GRIA1: variants seen among roughly 807,000 people sequenced by gnomAD.
The protein encoded by GRIA1 is glutamate ionotropic receptor AMPA type subunit 1.
In GRIA1, 31 loss-of-function variants were observed where a neutral mutation model predicts 99.2. That is an observed-to-expected ratio of 0.31 (90% CI 0.23 to 0.42). The LOEUF (loss-of-function observed/expected upper bound fraction) is 0.42. Ranked by LOEUF, GRIA1 falls within the 10% of genes least tolerant of loss-of-function variation. The pLI is 1.00. For synonymous variants in GRIA1, 438 were observed against 432.4 expected (o/e 1.01, Z -0.16); for missense variants, 782 against 1,157.5 (o/e 0.68, Z 4.71).
At chr5:153,691,723 T>C (rs905139640) in intron 8 of GRIA1, among the ~76,000 whole-genome samples, 5 of 152,302 alleles carry the variant, frequency 3.3e-5, no homozygotes, top group African/African-American at 1.2e-4. Flanking sequence ...AGATATAGCC[T>C]AAACCTCACC....
intron 13 of GRIA1, among the ~76,000 whole-genome samples, chr5:153,791,498 A>G (rs948592212): frequency 1.3e-5 from 2 of 152,062 alleles, no homozygotes; most frequent in African/African-American, 2.4e-5. Flanking sequence ...GGGAAGGTCT[A>G]AGTGAGCCCA....
At chr5:153,806,500 C>T (rs1029324001) in intron 15 of GRIA1, among the ~76,000 whole-genome samples, 2 of 152,158 alleles carry the variant, frequency 1.3e-5, no homozygotes, top group African/African-American at 2.4e-5. Flanking sequence ...CTCCTGACTT[C>T]GTGATCCACT....
At chr5:153,640,023 A>G (rs1201085523) in intron 2 of GRIA1, among the ~76,000 whole-genome samples, 2 of 152,212 alleles carry the variant, frequency 1.3e-5, no homozygotes, top group Non-Finnish European at 2.9e-5. Flanking sequence ...ACTTCTCCAC[A>G]ATCATGTCAG....
intron 11 of GRIA1, among the ~76,000 whole-genome samples, chr5:153,711,597 G>A (rs908257128): frequency 5.9e-5 from 9 of 152,130 alleles, no homozygotes; most frequent in African/African-American, 2.2e-4. Flanking sequence ...CAGAGAGGGA[G>A]GGAAAGACAT....
chr5:153,758,109 C>G (rs2149599137), intron 11 of GRIA1, among the ~76,000 whole-genome samples: 2 of 152,118 alleles, frequency 1.3e-5, no homozygotes, highest in African/African-American at 4.8e-5. Context: ...GTGAAAATCT[C>G]TTAATCACAA....
At chr5:153,737,176 T>C (rs1487087502) in intron 11 of GRIA1, among the ~76,000 whole-genome samples, 4 of 151,860 alleles carry the variant, frequency 2.6e-5, no homozygotes, top group African/African-American at 9.7e-5. Flanking sequence ...TAATAATCAC[T>C]ACCTTGTTTA....
At chr5:153,689,079 A>T (rs751470633) in intron 8 of GRIA1, among the ~76,000 whole-genome samples, 2 of 151,302 alleles carry the variant, frequency 1.3e-5, no homozygotes, top group Non-Finnish European at 2.9e-5. Flanking sequence ...CCCAGGCTGG[A>T]GTGCAGTGGT....
Position 153,677,082 on chromosome 5 carries a change from G to T in GRIA1, c.950G>T (p.Arg317Leu), listed in dbSNP as rs754814414. The T allele has an allele frequency of 1.3e-6, 2 of 1,584,000 alleles. No individual in the cohort carries two copies. Among genetic ancestry groups the T allele is most frequent in the South Asian group, 1.2e-5 (1 of 86,538 alleles). ...LRRQRIDISR[R>L]GNAGDCLANP... Reference sequence around the variant, plus strand: ...AGGCAGAGAATTGATATATCTCGCCGGGGGAATGCTGGGGATTGTCTGGCT... The same window carrying T: ...AGGCAGAGAATTGATATATCTCGCCTGGGGAATGCTGGGGATTGTCTGGCT... Residue 317 changes from arginine to leucine, a missense_variant, in exon 7 of 16, where the codon CGG (arginine) becomes CTG (leucine). Physicochemically the swap from Arg to Leu is moderately radical, Grantham distance 102. Transcript: ENST00000285900.
At chr5:153,634,853 A>C (rs1346395917) in intron 2 of GRIA1, among the ~76,000 whole-genome samples, 2 of 152,354 alleles carry the variant, frequency 1.3e-5, no homozygotes, top group Non-Finnish European at 2.9e-5. Flanking sequence ...GGCAGGGGTC[A>C]GGAGTGAATT....
intron 13 of GRIA1, among the ~76,000 whole-genome samples, chr5:153,771,923 A>T (rs1763908462): frequency 6.6e-6 from 1 of 152,206 alleles, no homozygotes; most frequent in African/African-American, 2.4e-5. Context: ...GACATTCCCC[A>T]GAGTAACACA....
At position 153,770,248 on chromosome 5, in the gene GRIA1, G is replaced by T; in HGVS notation, c.2103G>T (p.Glu701Asp). The T allele has an allele frequency of 6.2e-7, 1 of 1,614,024 alleles. No individual in the cohort carries two copies. Among genetic ancestry groups the T allele is most frequent in the Non-Finnish European group, 8.5e-7 (1 of 1,179,922 alleles). Reference sequence around the variant, plus strand: ...CATCAGTTTTTGTGCGGACCACAGAGGAGGGGATGATTCGAGTGAGGAAAT... The same window carrying T: ...CATCAGTTTTTGTGCGGACCACAGATGAGGGGATGATTCGAGTGAGGAAAT... Reference protein sequence around the residue: ...AEPSVFVRTTEEGMIRVRKSK... With the variant: ...AEPSVFVRTTDEGMIRVRKSK... Residue 701 changes from glutamate (E) to aspartate (D), a missense_variant, in exon 13 of 16, where the codon GAG becomes GAT. By Grantham distance (45) the Glu-to-Asp change is conservative (BLOSUM62 2). Around this residue, in one of 5 missense-constraint regions of GRIA1, gnomAD observed 119 missense variants for 326.6 expected, o/e 0.36. Transcript: ENST00000285900.
intron 9 of GRIA1, 65 bp downstream of exon 9, chr5:153,698,219 A>T: frequency 1.2e-6 from 1 of 867,678 alleles, no homozygotes. Flanking sequence ...AGGGTTTTCC[A>T]CCAGGACTGA....
intron 2 of GRIA1, among the ~76,000 whole-genome samples, chr5:153,640,700 A>G (rs1297200842): frequency 1.3e-5 from 2 of 152,192 alleles, no homozygotes; most frequent in Non-Finnish European, 2.9e-5. Flanking sequence ...ATTTTCCTTA[A>G]TGTAAAACTC....
At chr5:153,552,392 C>T (rs188311125) in intron 2 of GRIA1, among the ~76,000 whole-genome samples, 7 of 152,214 alleles carry the variant, frequency 4.6e-5, no homozygotes, top group Admixed American at 3.9e-4. Flanking sequence ...ACATTACCTG[C>T]TTGACTCCTA....
intron 2 of GRIA1, among the ~76,000 whole-genome samples, chr5:153,614,595 C>T (rs1475299341): frequency 6.6e-6 from 1 of 152,170 alleles, no homozygotes; most frequent in Admixed American, 6.5e-5. Context: ...AAACCTGAAC[C>T]CACAACCAGG....
At chr5:153,736,235 G>A (rs1393046587) in intron 11 of GRIA1, among the ~76,000 whole-genome samples, 4 of 152,164 alleles carry the variant, frequency 2.6e-5, no homozygotes, top group Non-Finnish European at 5.9e-5. Context: ...TATCAAAAAC[G>A]ATGCCATAAA....
At chr5:153,644,790 T>G (rs1171046104) in intron 2 of GRIA1, among the ~76,000 whole-genome samples, 1 of 151,440 alleles carries the variant, frequency 6.6e-6, no homozygotes, top group East Asian at 2.0e-4. Context: ...TGCAAAGAGG[T>G]AAGGGAAGAG....
intron 11 of GRIA1, among the ~76,000 whole-genome samples, chr5:153,748,859 A>G (rs1762327569): frequency 6.6e-6 from 1 of 152,190 alleles, no homozygotes; most frequent in African/African-American, 2.4e-5. Context: ...TGAATTGGAT[A>G]CTTCAGGTCT....
intron 2 of GRIA1, among the ~76,000 whole-genome samples, chr5:153,594,327 C>T (rs1158362810): frequency 6.6e-6 from 1 of 152,134 alleles, no homozygotes; most frequent in African/African-American, 2.4e-5. Flanking sequence ...CATTTCTGCT[C>T]TTTCATTTGC....
Sources: allele counts gnomAD v4.1 joint callset (sites outside exome capture counted in the v4.1 genomes callset), GRCh38; gene constraint gnomAD v4.1.1; regional missense constraint gnomAD v4.1.1; transcripts MANE v1.5; gene names NCBI Gene and HGNC (gene_info 2026-07-23, HGNC 2026-07-21).